The following SLC2A13 variants were observed in gnomAD, a reference collection of about 807,000 sequenced individuals.
SLC2A13 encodes proton myo-inositol cotransporter.
In SLC2A13, 32 loss-of-function variants were observed where a neutral mutation model predicts 64.4. The ratio of observed to expected loss-of-function variants is 0.50; its 90% confidence interval spans 0.37 to 0.67. The LOEUF is 0.67. Ranked by LOEUF, SLC2A13 falls within the 30% of genes least tolerant of loss-of-function variation. SLC2A13 has a pLI of 0.00. For missense variants in SLC2A13, 743 were observed against 829.2 expected (o/e 0.90, Z 1.28); for synonymous variants, 338 against 327.1 (o/e 1.03, Z -0.36).
At chr12:39,806,674 C>T (rs1161783062) in intron 7 of SLC2A13, among the ~76,000 whole-genome samples, 4 of 152,118 alleles carry the variant, frequency 2.6e-5, no homozygotes, top group Admixed American at 2.6e-4. Flanking sequence ...ATATTTTAGA[C>T]AGTATACAGA....
rs1260269714 is a variant in SLC2A13 at position 39,907,047 on chromosome 12, TAAATC to T, written c.1035-35091_1035-35087del. 1.8e-4 allele frequency among the ~76,000 whole-genome samples: 27 copies of T among 152,272 alleles called. No individual in the cohort carries two copies. In the South Asian group the frequency reaches 5.4e-3, roughly 30 times the overall value. On this transcript the variant is annotated intron_variant, in intron 4 of 9. Transcript: ENST00000280871. ...AGAAGATACAATGCAAATTAACCCA[TAAATC>T]AATTTATATAAGTAGAAGTTTGACT...
intron 3 of SLC2A13, among the ~76,000 whole-genome samples, chr12:40,023,274 T>C (rs1453708641): frequency 2.6e-5 from 4 of 152,192 alleles, no homozygotes; most frequent in Non-Finnish European, 4.4e-5. Flanking sequence ...GATCCTGCCT[T>C]AGCACGCCCA....
chr12:39,916,668 C>T (rs1018023964), intron 4 of SLC2A13, among the ~76,000 whole-genome samples: 1 of 151,966 alleles, frequency 6.6e-6, no homozygotes, highest in South Asian at 2.1e-4. Flanking sequence ...GGCTTTGGCT[C>T]GCAACATCAT....
intron 5 of SLC2A13, among the ~76,000 whole-genome samples, chr12:39,867,126 G>A (rs972109302): frequency 5.3e-5 from 8 of 152,000 alleles, no homozygotes; most frequent in African/African-American, 1.2e-4. Flanking sequence ...AAAACAAAAC[G>A]AACCATGAGA....
At chr12:39,955,369 T>C (rs1946298274) in intron 3 of SLC2A13, among the ~76,000 whole-genome samples, 1 of 152,154 alleles carries the variant, frequency 6.6e-6, no homozygotes, top group Non-Finnish European at 1.5e-5. Flanking sequence ...AAGAAATCTC[T>C]TAGGAAACCT....
At chr12:40,013,553 G>A (rs772056505) in intron 3 of SLC2A13, among the ~76,000 whole-genome samples, 10 of 152,120 alleles carry the variant, frequency 6.6e-5, no homozygotes, top group Non-Finnish European at 1.2e-4. Context: ...AACACCCAAC[G>A]GCACATAGCC....
intron 9 of SLC2A13, among the ~76,000 whole-genome samples, 177 bp downstream of exon 9, chr12:39,764,283 C>G (rs1039985461): frequency 1.3e-5 from 2 of 151,994 alleles, no homozygotes; most frequent in African/African-American, 4.8e-5. Context: ...ATAGGAGAAT[C>G]CCTCTCTTCT....
chr12:40,025,856 T>C (rs1477251722), intron 3 of SLC2A13, among the ~76,000 whole-genome samples: 1 of 152,214 alleles, frequency 6.6e-6, no homozygotes, highest in Non-Finnish European at 1.5e-5. Flanking sequence ...AGCCATTCTT[T>C]TATGTGCATT....
At chr12:40,052,893 G>A (rs1417825976) in intron 1 of SLC2A13, among the ~76,000 whole-genome samples, 1 of 152,134 alleles carries the variant, frequency 6.6e-6, no homozygotes, top group Non-Finnish European at 1.5e-5. Flanking sequence ...AGGGGGAACT[G>A]AGAAGGTTCA....
At chr12:39,769,804 T>C (rs1940496723) in intron 7 of SLC2A13, among the ~76,000 whole-genome samples, 1 of 152,022 alleles carries the variant, frequency 6.6e-6, no homozygotes, top group African/African-American at 2.4e-5. Flanking sequence ...TACCAGAAGT[T>C]TATACTCACG....
intron 3 of SLC2A13, among the ~76,000 whole-genome samples, chr12:40,006,574 G>C (rs572345121): frequency 2.6e-5 from 4 of 152,276 alleles, no homozygotes; most frequent in African/African-American, 7.2e-5. Context: ...TAAATTCTAA[G>C]AGTCAGGTAA....
At chr12:39,848,834 T>C (rs1943390575) in intron 6 of SLC2A13, among the ~76,000 whole-genome samples, 1 of 152,180 alleles carries the variant, frequency 6.6e-6, no homozygotes, top group Non-Finnish European at 1.5e-5. Context: ...GGGAATATTA[T>C]GCATCCATAA....
At chr12:39,864,117 C>T (rs1943841823) in intron 6 of SLC2A13, among the ~76,000 whole-genome samples, 1 of 152,182 alleles carries the variant, frequency 6.6e-6, no homozygotes, top group African/African-American at 2.4e-5. Context: ...CTCAAAGTTT[C>T]ATTTATGTGT....
chr12:39,896,201 T>C (rs572821861), intron 4 of SLC2A13, among the ~76,000 whole-genome samples: 6 of 148,580 alleles, frequency 4.0e-5, no homozygotes, highest in Non-Finnish European at 7.5e-5. Context: ...TATGTGTATG[T>C]ATACATGTAT....
chr12:39,856,528 C>T (rs183981247), intron 6 of SLC2A13, among the ~76,000 whole-genome samples: 2 of 152,154 alleles, frequency 1.3e-5, no homozygotes, highest in African/African-American at 4.8e-5. Context: ...GCCACCATGC[C>T]CAGCTAATTT....
intron 7 of SLC2A13, among the ~76,000 whole-genome samples, chr12:39,770,894 C>A (rs1165794798): frequency 6.6e-6 from 1 of 152,120 alleles, no homozygotes; most frequent in Admixed American, 6.5e-5. Context: ...AGGTTCAGAT[C>A]TAGGCTGGGA....
intron 7 of SLC2A13, among the ~76,000 whole-genome samples, chr12:39,816,414 A>G (rs1592165394): frequency 8.7e-6 from 1 of 115,004 alleles, no homozygotes; most frequent in African/African-American, 3.4e-5. Flanking sequence ...GGAACATCAC[A>G]CCCCGGGGCC....
At chr12:40,034,374 T>G (rs772043768) in intron 2 of SLC2A13, among the ~76,000 whole-genome samples, 1 of 152,192 alleles carries the variant, frequency 6.6e-6, no homozygotes, top group Admixed American at 6.5e-5. Flanking sequence ...AATAACCACC[T>G]CATACTTTTT....
At chr12:40,055,028 A>C (rs1018112805) in intron 1 of SLC2A13, among the ~76,000 whole-genome samples, 2 of 152,244 alleles carry the variant, frequency 1.3e-5, no homozygotes, top group Non-Finnish European at 2.9e-5. Context: ...CAAAGGAATC[A>C]GAATCCCTCG....
Sources: allele counts gnomAD v4.1 joint callset (sites outside exome capture counted in the v4.1 genomes callset), GRCh38; gene constraint gnomAD v4.1.1; transcripts MANE v1.5; gene names NCBI Gene and HGNC (gene_info 2026-07-23, HGNC 2026-07-21).